Variants in LRMDA observed in about 807,000 individuals in gnomAD.
LRMDA encodes leucine-rich melanocyte differentiation-associated protein.
Under a neutral mutation model 29.8 loss-of-function variants are expected in LRMDA, and 18 were observed. That is an observed-to-expected ratio of 0.60 (90% CI 0.42 to 0.90). The LOEUF (loss-of-function observed/expected upper bound fraction) is 0.90. Among genes scored for constraint, LRMDA ranks in the 40% least tolerant of loss-of-function variants. The pLI is 0.00. For missense variants in LRMDA, 273 were observed against 273.9 expected (o/e 1.00, Z 0.02); for synonymous variants, 125 against 109.4 (o/e 1.14, Z -0.89).
At position 75,456,171 on chromosome 10, in the gene LRMDA, T is replaced by A. The variant is rs1214066023; in HGVS notation, c.131+17677T>A. ...GGAGTTGCGGGGGAGACAAGCCACC[T>A]CCAGCGGGTGGAGGGCAGCCCATTC... On this transcript the variant is annotated intron_variant, in intron 2 of 6. Transcript: ENST00000611255. Among the ~76,000 whole-genome samples the A allele has an allele frequency of 2.0e-5, 3 of 152,290 alleles. No individual in the cohort carries two copies. In the East Asian group the frequency reaches 5.8e-4, roughly 29 times the overall value.
At chr10:75,663,691 C>G (rs1259699206) in intron 2 of LRMDA, among the ~76,000 whole-genome samples, 1 of 152,168 alleles carries the variant, frequency 6.6e-6, no homozygotes, top group African/African-American at 2.4e-5. Flanking sequence ...CTTCATTGTC[C>G]AGTCTTTGGG....
intron 6 of LRMDA, among the ~76,000 whole-genome samples, chr10:76,553,064 C>A (rs2132397421): frequency 6.6e-6 from 1 of 152,266 alleles, no homozygotes. Context: ...ATAATTATAG[C>A]TTTAACAGCT....
intron 6 of LRMDA, among the ~76,000 whole-genome samples, chr10:76,339,714 A>G (rs1841014003): frequency 6.6e-6 from 1 of 152,048 alleles, no homozygotes; most frequent in South Asian, 2.1e-4. Context: ...AACCCCACAA[A>G]GCTATTGAGC....
At chr10:76,263,637 C>T (rs984682035) in intron 5 of LRMDA, among the ~76,000 whole-genome samples, 3 of 152,158 alleles carry the variant, frequency 2.0e-5, no homozygotes, top group South Asian at 2.1e-4. Flanking sequence ...GGATCCCTAC[C>T]GTCTTGCATA....
At position 75,632,916 on chromosome 10, in the gene LRMDA, G is replaced by A. The variant is rs141046701; in HGVS notation, c.131+194422G>A. Among the ~76,000 whole-genome samples, 43 of 145,324 alleles carry A rather than the reference G, an allele frequency of 3.0e-4. No homozygotes were observed. The East Asian group carries it at 8.6e-3, about 29-fold the overall frequency. ...TTGACTTTGCTGTAAGGATTTTCTC[G>A]ACAACTCCATGCAAGTGTTTCTGAC... On this transcript the variant is annotated intron_variant, in intron 2 of 6. Transcript: ENST00000611255.
intron 2 of LRMDA, among the ~76,000 whole-genome samples, chr10:75,455,835 G>C (rs1844509827): frequency 6.6e-6 from 1 of 152,140 alleles, no homozygotes; most frequent in African/African-American, 2.4e-5. Context: ...CTGGAGGGAG[G>C]GCAGGATTTT....
intron 2 of LRMDA, among the ~76,000 whole-genome samples, chr10:75,756,684 C>T (rs536804394): frequency 4.7e-4 from 72 of 152,254 alleles, no homozygotes; most frequent in African/African-American, 1.6e-3. Flanking sequence ...CCCCTAAGCC[C>T]TTTGCCTACA....
intron 2 of LRMDA, among the ~76,000 whole-genome samples, chr10:75,571,141 C>T (rs900577945): frequency 7.1e-6 from 1 of 141,306 alleles, no homozygotes; most frequent in African/African-American, 2.5e-5. Flanking sequence ...TCTTCAAGGA[C>T]TGATTTGAGA....
At chr10:76,538,020 T>C (rs1843309042) in intron 6 of LRMDA, among the ~76,000 whole-genome samples, 1 of 152,240 alleles carries the variant, frequency 6.6e-6, no homozygotes, top group Non-Finnish European at 1.5e-5. Flanking sequence ...ACTTAGAATA[T>C]ATTCAGGCAT....
At chr10:75,806,914 T>G (rs747454335) in intron 2 of LRMDA, among the ~76,000 whole-genome samples, 3 of 152,118 alleles carry the variant, frequency 2.0e-5, no homozygotes, top group African/African-American at 4.8e-5. Context: ...TGCTTCTCCT[T>G]TCTGCATCTG....
At chr10:76,429,554 G>C (rs1842169059) in intron 6 of LRMDA, among the ~76,000 whole-genome samples, 1 of 151,940 alleles carries the variant, frequency 6.6e-6, no homozygotes, top group African/African-American at 2.4e-5. Flanking sequence ...AGATGACAGG[G>C]ATGACGGGTT....
At chr10:75,539,319 T>C (rs1839988157) in intron 2 of LRMDA, among the ~76,000 whole-genome samples, 1 of 152,186 alleles carries the variant, frequency 6.6e-6, no homozygotes, top group South Asian at 2.1e-4. Context: ...TTACACAGAG[T>C]ACGGGCTTTT....
intron 5 of LRMDA, among the ~76,000 whole-genome samples, chr10:76,232,697 G>A (rs1408100548): frequency 1.3e-5 from 2 of 152,178 alleles, no homozygotes; most frequent in African/African-American, 2.4e-5. Context: ...CCGAGTTCTT[G>A]TCTTGCACCC....
chr10:75,973,413 C>T (rs535104457), intron 2 of LRMDA, among the ~76,000 whole-genome samples: 166 of 151,000 alleles, frequency 1.1e-3, no homozygotes, highest in African/African-American at 3.8e-3. Context: ...GGCCTGTGCC[C>T]TTGTCCTTTT....
At chr10:75,820,362 C>T (rs1212369986) in intron 2 of LRMDA, among the ~76,000 whole-genome samples, 1 of 152,184 alleles carries the variant, frequency 6.6e-6, no homozygotes, top group Non-Finnish European at 1.5e-5. Context: ...ACCCTCAAAA[C>T]TCTACAAACA....
At chr10:76,437,777 A>G (rs1379848662) in intron 6 of LRMDA, among the ~76,000 whole-genome samples, 5 of 152,178 alleles carry the variant, frequency 3.3e-5, no homozygotes, top group East Asian at 1.9e-4. Flanking sequence ...ATTTGTAACA[A>G]ACAAGGCCTT....
At chr10:76,146,974 G>C (rs1850335851) in intron 5 of LRMDA, among the ~76,000 whole-genome samples, 1 of 152,128 alleles carries the variant, frequency 6.6e-6, no homozygotes, top group Non-Finnish European at 1.5e-5. Context: ...TGAAATTCTG[G>C]GTTGAAAATT....
Position 76,358,572 on chromosome 10 carries a change from G to A in LRMDA, c.601+34087G>A, listed in dbSNP as rs144785066. On this transcript the variant is annotated intron_variant, in intron 6 of 6. Transcript: ENST00000611255. ...TTCCCTGCATTCTGATAGAGCAGGA[G>A]CCAGGAGGCATGGCAGTCTTAGAAA... Among the ~76,000 whole-genome samples the A allele has an allele frequency of 6.6e-3, 1,005 of 152,296 alleles. 3 individuals are homozygous for A. The highest frequency in any genetic ancestry group is 0.01 in the Non-Finnish European group (701 of 68,010).
At chr10:76,513,319 A>T (rs1212284508) in intron 6 of LRMDA, among the ~76,000 whole-genome samples, 2 of 152,128 alleles carry the variant, frequency 1.3e-5, no homozygotes. Context: ...TTACTTTTCA[A>T]TTTTTATTAT....
Sources: allele counts gnomAD v4.1 joint callset (sites outside exome capture counted in the v4.1 genomes callset), GRCh38; gene constraint gnomAD v4.1.1; transcripts MANE v1.5; gene names NCBI Gene and HGNC (gene_info 2026-07-23, HGNC 2026-07-21).